Variants in URI1 observed in about 807,000 individuals in gnomAD.
The protein encoded by URI1 is URI1 prefoldin like chaperone, also known as unconventional prefoldin RPB5 interactor 1.
In URI1, 39 loss-of-function variants were observed where a neutral mutation model predicts 60.2. The ratio of observed to expected loss-of-function variants is 0.65; its 90% CI spans 0.50 to 0.85. The LOEUF is 0.85. Ranked by LOEUF, URI1 falls within the 40% of genes least tolerant of loss-of-function variation. The pLI, the probability that URI1 is intolerant of heterozygous loss-of-function variation, is 0.00. For missense variants in URI1, 691 were observed against 665.9 expected, an observed-to-expected ratio of 1.04 and a Z score of -0.42; for synonymous variants, 251 against 236.8, an observed-to-expected ratio of 1.06 and a Z score of -0.55.
intron 1 of URI1, among the ~76,000 whole-genome samples, chr19:29,946,646 A>G (rs1214975096): frequency 1.3e-5 from 2 of 152,258 alleles, no homozygotes; most frequent in African/African-American, 2.4e-5. Flanking sequence ...TAAATTTTTT[A>G]TAAAGCAGAA....
chr19:29,993,676 T>G (rs1040053194), intron 4 of URI1, among the ~76,000 whole-genome samples: 3 of 152,120 alleles, frequency 2.0e-5, no homozygotes, highest in Non-Finnish European at 2.9e-5. Context: ...TTAAAAATTA[T>G]TTTTTTAGTA....
upstream of URI1, among the ~76,000 whole-genome samples, chr19:29,940,423 T>G (rs1599653476): frequency 6.6e-6 from 1 of 152,012 alleles, no homozygotes; most frequent in Non-Finnish European, 1.5e-5. Flanking sequence ...CCAAGGCGGG[T>G]GGATCACTTG....
intron 8 of URI1, among the ~76,000 whole-genome samples, chr19:30,010,095 A>G (rs2055998758): frequency 1.3e-5 from 2 of 152,192 alleles, no homozygotes; most frequent in African/African-American, 4.8e-5. Context: ...AATTCGTCTA[A>G]TTCGTCTTTC....
At chr19:29,985,406 CTA>C (rs1646742350) in intron 3 of URI1, 105 bp downstream of exon 3, 1 of 855,828 alleles carries the variant, frequency 1.2e-6, no homozygotes, top group South Asian at 2.1e-5. Flanking sequence ...TCCAAGGTAA[CTA>C]TGTAGCAAGG....
Position 30,005,435 on chromosome 19 carries a change from T to G in URI1, c.442T>G (p.Leu148Val). ...ATCCAGAGTTGAATTCACAGAAGAT[T>G]TGCAGAAAATGAGCGATGTGAGTAT... ...FESRVEFTED[L>V]QKMSDAAGDI... The change falls in exon 5 of 11, where the codon TTG becomes GTG. Residue 148 changes from leucine to valine, a missense_variant. Transcript: ENST00000392271. 1 of 1,600,368 alleles carries G rather than the reference T, an allele frequency of 6.2e-7. No individual in the cohort carries two copies. The highest frequency in any genetic ancestry group is 8.5e-7 in the Non-Finnish European group (1 of 1,175,420).
intron 3 of URI1, 85 bp from the exon 4 acceptor site, chr19:29,986,197 A>G (rs2055665974): frequency 5.3e-6 from 7 of 1,321,046 alleles, no homozygotes; most frequent in South Asian, 2.0e-5. Flanking sequence ...TCAGTTATGT[A>G]AGGCTTTTAA....
chr19:29,929,205 T>C (rs2054895089), intron 1 of URI1, among the ~76,000 whole-genome samples: 1 of 152,168 alleles, frequency 6.6e-6, no homozygotes, highest in African/African-American at 2.4e-5. Flanking sequence ...TGCCAAACTG[T>C]CTTCCAGAAT....
intron 1 of URI1, among the ~76,000 whole-genome samples, chr19:29,924,432 G>A (rs1021984774): frequency 1.3e-5 from 2 of 152,144 alleles, no homozygotes; most frequent in African/African-American, 2.4e-5. Context: ...GTGTACTGGC[G>A]ATCTAAACAA....
chr19:29,977,136 C>CTT (rs35431095), intron 2 of URI1, among the ~76,000 whole-genome samples: 35 of 145,048 alleles, frequency 2.4e-4, no homozygotes, highest in African/African-American at 5.3e-4. Flanking sequence ...TTCTCTCTCT[C>CTT]TTTTTTTTTT....
In URI1 at chr19:30,009,132, G is replaced by A. The variant is rs1211898672; in HGVS notation, c.814G>A (p.Val272Ile). The A allele has an allele frequency of 2.5e-6, 4 of 1,613,924 alleles. No homozygotes were observed. Among genetic ancestry groups the A allele is most frequent in the African/African-American group, 1.3e-5 (1 of 74,888 alleles). The change falls in exon 8 of 11, where the codon GTT becomes ATT. Residue 272 changes from valine to isoleucine, a missense_variant. Coordinates refer to ENST00000392271, the MANE Select transcript of URI1 (RefSeq NM_003796.3). ...CTCTCATACTCCTTGTCATAAGGAT[G>A]TTGCAAGTTCAGAACCATTCAGTGG... is the stretch of plus-strand genomic sequence containing the variant. ...TDSHTPCHKD[V>I]ASSEPFSGQV...
chr19:29,960,969 G>A (rs2055315789), intron 1 of URI1, among the ~76,000 whole-genome samples: 2 of 151,960 alleles, frequency 1.3e-5, no homozygotes. Flanking sequence ...TCCTGCCTGA[G>A]TCTCCTGAGT....
chr19:29,988,280 C>G (rs2055698736), intron 4 of URI1, among the ~76,000 whole-genome samples: 1 of 151,946 alleles, frequency 6.6e-6, no homozygotes, highest in Non-Finnish European at 1.5e-5. Flanking sequence ...AGAAAAGGTA[C>G]TTTATTTTTC....
intron 4 of URI1, among the ~76,000 whole-genome samples, chr19:29,994,899 G>T (rs1470659749): frequency 1.3e-5 from 2 of 151,670 alleles, no homozygotes; most frequent in East Asian, 3.9e-4. Context: ...TCCTGCCTCA[G>T]CCTCCTGAGT....
rs577692688 is a variant in URI1, at chr19:29,936,209, T to C, written c.63+12455T>C. Among the ~76,000 whole-genome samples the C allele has an allele frequency of 1.8e-4, 27 of 152,304 alleles. No individual in the cohort carries two copies. The South Asian group carries it at 3.7e-3, about 21-fold the overall frequency. ...ACCTCCACTTCCCAGGTTCAAGCAA[T>C]TCTCCAGCCTCAGCCTCCCAAGTAG... On this transcript the variant is annotated intron_variant, in intron 1 of 10. Coordinates refer to the URI1 transcript ENST00000360605.
chr19:29,939,874 T>C (rs1160647012), upstream of URI1, among the ~76,000 whole-genome samples: 1 of 151,814 alleles, frequency 6.6e-6, no homozygotes, highest in Admixed American at 6.6e-5. Flanking sequence ...TGGTTGGAGG[T>C]GGGGAAGGTG....
At chr19:30,010,981 A>T in intron 8 of URI1, 113 bp from the exon 9 acceptor site, 1 of 1,212,620 alleles carries the variant, frequency 8.2e-7, no homozygotes, top group Non-Finnish European at 1.1e-6. Context: ...AGCATCAGAA[A>T]ATTTCAGCTG....
chr19:29,998,654 G>T (rs1395725347), intron 4 of URI1, among the ~76,000 whole-genome samples: 2 of 151,998 alleles, frequency 1.3e-5, no homozygotes, highest in Non-Finnish European at 2.9e-5. Flanking sequence ...TATTGGTATG[G>T]AATATCTTTT....
In URI1 at chr19:30,003,346, TAG is replaced by T. The variant is rs2055900947; in HGVS notation, c.368-2011_368-2010del. Among the ~76,000 whole-genome samples the T allele has an allele frequency of 5.9e-5, 9 of 152,152 alleles. No homozygotes were observed. In the South Asian group the frequency reaches 1.9e-3, roughly 32 times the overall value. ...GGACATAGGACTTATGATAATTTAA[TAG>T]AGATATATATCTGCATATATAATGT... On this transcript the variant is annotated intron_variant, in intron 4 of 10. Coordinates refer to ENST00000392271, the MANE Select transcript of URI1 (RefSeq NM_003796.3).
chr19:29,932,828 T>C (rs1000664656), intron 1 of URI1, among the ~76,000 whole-genome samples: 2 of 151,062 alleles, frequency 1.3e-5, no homozygotes, highest in Admixed American at 1.3e-4. Flanking sequence ...ATTTTTTGTA[T>C]TTTTAGTAGA....
Sources: allele counts gnomAD v4.1 joint callset (sites outside exome capture counted in the v4.1 genomes callset), GRCh38; gene constraint gnomAD v4.1.1; transcripts MANE v1.5; gene names NCBI Gene and HGNC (gene_info 2026-07-23, HGNC 2026-07-21).